Variants in CPED1 observed in about 807,000 individuals in gnomAD.
CPED1 encodes the protein cadherin like and PC-esterase domain containing 1, also known as cadherin-like and PC-esterase domain-containing protein 1.
In CPED1, 114 loss-of-function variants were observed where a neutral mutation model predicts 128.2. The ratio of observed to expected loss-of-function variants is 0.89; its 90% CI spans 0.76 to 1.04. CPED1 has a LOEUF of 1.04. Among genes scored for constraint, CPED1 ranks in the 50% least tolerant of loss-of-function variants. The pLI, the probability that CPED1 is intolerant of heterozygous loss-of-function variation, is 0.00. For missense variants in CPED1, 1,211 were observed against 1,207.1 expected (o/e 1.00, Z -0.05); for synonymous variants, 462 against 426.7 (o/e 1.08, Z -1.02).
intron 4 of CPED1, among the ~76,000 whole-genome samples, chr7:121,048,238 C>T (rs1443890189): frequency 2.0e-5 from 3 of 152,198 alleles, no homozygotes; most frequent in South Asian, 4.1e-4. Flanking sequence ...TGCTGAACAT[C>T]TGCACCTGGA....
intron 16 of CPED1, among the ~76,000 whole-genome samples, chr7:121,221,963 G>A (rs978056669): frequency 6.6e-6 from 1 of 152,122 alleles, no homozygotes; most frequent in African/African-American, 2.4e-5. Context: ...AGTTTAATTA[G>A]ATCCCATCTG....
intron 3 of CPED1, among the ~76,000 whole-genome samples, chr7:121,027,315 C>T (rs571457034): frequency 1.3e-5 from 2 of 151,980 alleles, no homozygotes; most frequent in South Asian, 4.2e-4. Context: ...ATCTTATCTC[C>T]CCTTTTGTAT....
At chr7:121,260,615 C>CA (rs925888824) in intron 18 of CPED1, among the ~76,000 whole-genome samples, 1 of 150,490 alleles carries the variant, frequency 6.6e-6, no homozygotes, top group African/African-American at 2.5e-5. Flanking sequence ...CTAGATGTAA[C>CA]AAATAAGACT....
chr7:121,045,774 G>A (rs1388524302), intron 3 of CPED1, among the ~76,000 whole-genome samples: 1 of 151,976 alleles, frequency 6.6e-6, no homozygotes, highest in Non-Finnish European at 1.5e-5. Flanking sequence ...TCCAAAATGA[G>A]GACTATTTCC....
intron 5 of CPED1, among the ~76,000 whole-genome samples, chr7:121,081,768 T>C (rs1309580531): frequency 1.3e-5 from 2 of 152,208 alleles, no homozygotes; most frequent in Non-Finnish European, 2.9e-5. Flanking sequence ...TAGATAATTA[T>C]GGTGGGCTTT....
chr7:121,294,530 C>T (rs184953495), intron 22 of CPED1, among the ~76,000 whole-genome samples: 1 of 152,040 alleles, frequency 6.6e-6, no homozygotes, highest in Admixed American at 6.5e-5. Flanking sequence ...TCTCAGGTGG[C>T]AGCAAAACAA....
At chr7:121,123,572 G>C (rs1184569949) in intron 7 of CPED1, among the ~76,000 whole-genome samples, 1 of 152,054 alleles carries the variant, frequency 6.6e-6, no homozygotes, top group East Asian at 1.9e-4. Context: ...TTGATATGAA[G>C]CATCCTCAAG....
chr7:121,219,561 T>C (rs144339825), intron 16 of CPED1, among the ~76,000 whole-genome samples: 2 of 152,070 alleles, frequency 1.3e-5, no homozygotes, highest in African/African-American at 4.8e-5. Flanking sequence ...TGTTTCAATT[T>C]CCTTCCTTCC....
At chr7:121,171,499 A>T (rs1163112272) in intron 16 of CPED1, among the ~76,000 whole-genome samples, 1 of 152,170 alleles carries the variant, frequency 6.6e-6, no homozygotes, top group African/African-American at 2.4e-5. Context: ...ATGTCACTAG[A>T]AGAATGCATT....
At chr7:121,194,040 ATATATATAT>A (rs1218189249) in intron 16 of CPED1, among the ~76,000 whole-genome samples, 2 of 109,608 alleles carry the variant, frequency 1.8e-5, no homozygotes, top group African/African-American at 7.4e-5. Context: ...ATATATATAT[ATATATATAT>A]TTTTTTTTTT....
At chr7:121,268,152 G>A (rs144041984) in intron 21 of CPED1, among the ~76,000 whole-genome samples, 2 of 152,128 alleles carry the variant, frequency 1.3e-5, no homozygotes, top group African/African-American at 2.4e-5. Context: ...AGGCTACTGG[G>A]GATCAGGAGA....
At chr7:121,256,280 A>T (rs969419587) in intron 18 of CPED1, among the ~76,000 whole-genome samples, 1 of 152,108 alleles carries the variant, frequency 6.6e-6, no homozygotes, top group Non-Finnish European at 1.5e-5. Flanking sequence ...ATAAAGCTGC[A>T]TATCTACAAC....
At chr7:121,119,417 G>A (rs1446218833) in intron 7 of CPED1, among the ~76,000 whole-genome samples, 2 of 150,316 alleles carry the variant, frequency 1.3e-5, no homozygotes, top group African/African-American at 4.9e-5. Flanking sequence ...CACCCGCTTC[G>A]GCCTCCCAAA....
rs1554426687 is a variant in CPED1, at chr7:121,047,681, TC to T, written c.540+689del. Among the ~76,000 whole-genome samples the T allele has an allele frequency of 3.0e-4, 7 of 23,618 alleles. 1 individual carries two copies. In the Admixed American group the frequency reaches 3.6e-3, roughly 12 times the overall value. The allele number at this position is 23,618 out of a possible 152,430, so 15.5% of individuals were successfully genotyped here. A position where few individuals can be genotyped will look rare whatever the true frequency, so the allele number is the denominator to read the frequency against. ...TTCTTCTTCTTCTTCTTCTTCTTCT[TC>T]TTCTTCTTCTTCTTCTTCTTCTTCT... On this transcript the variant is annotated intron_variant, in intron 4 of 22. Transcript: ENST00000310396.
At chr7:121,113,350 C>T (rs1291603912) in intron 7 of CPED1, among the ~76,000 whole-genome samples, 1 of 152,098 alleles carries the variant, frequency 6.6e-6, no homozygotes, top group African/African-American at 2.4e-5. Context: ...AACTCTAATA[C>T]AGGGCAGAAT....
In CPED1 at chr7:121,244,301, C is replaced by T. The variant is rs762757432; in HGVS notation, c.2273C>T (p.Thr758Ile). 2.5e-6 allele frequency: 4 copies of T among 1,614,112 alleles called. No individual in the cohort carries two copies. The highest frequency in any genetic ancestry group is 3.4e-6 in the Non-Finnish European group (4 of 1,180,020). The change falls in exon 18 of 23, where the codon ACT becomes ATT. Residue 758 changes from threonine (T) to isoleucine (I), a missense_variant. Physicochemically the swap from Thr to Ile is moderately conservative, Grantham distance 89 (BLOSUM62 -1). Coordinates refer to ENST00000310396, the MANE Select transcript of CPED1 (RefSeq NM_024913.5). ...CACAACTGCCAATATGGTGTCCTAACTAAGCCTCAACTCCAGCAGTGCCTG... is the reference window on the plus strand; with the variant it reads ...CACAACTGCCAATATGGTGTCCTAATTAAGCCTCAACTCCAGCAGTGCCTG... ...QPHNCQYGVL[T>I]KPQLQQCLGG...
intron 16 of CPED1, among the ~76,000 whole-genome samples, chr7:121,209,934 T>C (rs1797606771): frequency 6.6e-6 from 1 of 151,958 alleles, no homozygotes; most frequent in African/African-American, 2.4e-5. Flanking sequence ...AATCATCCAA[T>C]TTAAAAATGG....
At chr7:121,170,131 T>C (rs1439898648) in intron 16 of CPED1, among the ~76,000 whole-genome samples, 1 of 152,186 alleles carries the variant, frequency 6.6e-6, no homozygotes, top group Non-Finnish European at 1.5e-5. Context: ...AGTGAGTGTT[T>C]GTGGAGTATG....
At chr7:121,112,904 A>G (rs1398389224) in intron 7 of CPED1, among the ~76,000 whole-genome samples, 1 of 152,188 alleles carries the variant, frequency 6.6e-6, no homozygotes, top group Admixed American at 6.5e-5. Context: ...GATGTAATTT[A>G]AATGTGAGAA....
Sources: allele counts gnomAD v4.1 joint callset (sites outside exome capture counted in the v4.1 genomes callset), GRCh38; gene constraint gnomAD v4.1.1; transcripts MANE v1.5; gene names NCBI Gene and HGNC (gene_info 2026-07-23, HGNC 2026-07-21).